ADAM12: variants seen among roughly 807,000 people sequenced by gnomAD.
ADAM12 encodes the protein ADAM metallopeptidase domain 12, also known as disintegrin and metalloproteinase domain-containing protein 12.
ADAM12 carries 70 observed loss-of-function variants against 106.4 expected under a neutral mutation model. That is an observed-to-expected ratio of 0.66 (90% CI 0.54 to 0.80). The LOEUF is 0.80. Ranked by LOEUF, ADAM12 falls within the 30% of genes least tolerant of loss-of-function variation. The pLI is 0.00. For missense variants in ADAM12, 1,010 were observed against 1,171.9 expected (o/e 0.86, Z 2.02); for synonymous variants, 420 against 433.5 (o/e 0.97, Z 0.39).
chr10:126,164,571 C>T (rs1385479435), intron 3 of ADAM12, among the ~76,000 whole-genome samples: 2 of 152,190 alleles, frequency 1.3e-5, no homozygotes, highest in African/African-American at 2.4e-5. Context: ...CAAAACATAG[C>T]ACCGAATAAA....
intron 11 of ADAM12, among the ~76,000 whole-genome samples, chr10:126,078,160 G>C (rs1015022006): frequency 2.0e-5 from 3 of 152,182 alleles, no homozygotes; most frequent in Non-Finnish European, 4.4e-5. Flanking sequence ...TGCATCACCT[G>C]CTCCCCAGGT....
intron 3 of ADAM12, among the ~76,000 whole-genome samples, chr10:126,241,917 C>T (rs1958532261): frequency 6.6e-6 from 1 of 151,448 alleles, no homozygotes; most frequent in African/African-American, 2.4e-5. Context: ...TTGGAATTCT[C>T]CATGGCAAAG....
chr10:126,062,583 G>A (rs1021970835), intron 14 of ADAM12, among the ~76,000 whole-genome samples: 4 of 152,204 alleles, frequency 2.6e-5, no homozygotes, highest in Non-Finnish European at 4.4e-5. Flanking sequence ...CTAGACTGAT[G>A]AGATAATAAA....
chr10:126,308,155 T>C (rs532793788), intron 2 of ADAM12, among the ~76,000 whole-genome samples: 2 of 152,352 alleles, frequency 1.3e-5, no homozygotes, highest in Admixed American at 6.5e-5. Flanking sequence ...GTGACCATCC[T>C]AGGCTTTTAA....
intron 2 of ADAM12, among the ~76,000 whole-genome samples, chr10:126,281,783 T>C (rs116694882): frequency 0.031 from 4,683 of 152,308 alleles, 255 homozygotes; most frequent in African/African-American, 0.11. Context: ...TATTGAATGC[T>C]TAAAGAACTG....
chr10:126,223,188 C>T (rs1263414461), intron 3 of ADAM12, among the ~76,000 whole-genome samples: 3 of 152,182 alleles, frequency 2.0e-5, no homozygotes, highest in Non-Finnish European at 4.4e-5. Flanking sequence ...TTATAATAAG[C>T]ACAATTCTAA....
intron 1 of ADAM12, among the ~76,000 whole-genome samples, chr10:126,365,147 G>A (rs1307113500): frequency 6.6e-6 from 1 of 152,118 alleles, no homozygotes; most frequent in African/African-American, 2.4e-5. Flanking sequence ...TAAAACAGTA[G>A]TAAGCCTACA....
At chr10:126,133,005 T>A (rs1215907671) in intron 5 of ADAM12, among the ~76,000 whole-genome samples, 1 of 152,102 alleles carries the variant, frequency 6.6e-6, no homozygotes, top group African/African-American at 2.4e-5. Context: ...TCCCTAACCC[T>A]TTCCACTGTG....
intron 22 of ADAM12, 94 bp from the exon 23 acceptor site, chr10:126,017,433 T>C: frequency 1.6e-6 from 2 of 1,242,176 alleles, no homozygotes; most frequent in Non-Finnish European, 2.3e-6. Flanking sequence ...ATTCTGATAG[T>C]CTGAAGGGTT....
intron 21 of ADAM12, among the ~76,000 whole-genome samples, chr10:126,031,451 C>A (rs920799175): frequency 6.6e-6 from 1 of 152,216 alleles, no homozygotes; most frequent in African/African-American, 2.4e-5. Context: ...AACCTCTGAA[C>A]TGGCCAGCAC....
chr10:126,194,514 A>AC (rs1957562943), intron 3 of ADAM12, among the ~76,000 whole-genome samples: 1 of 152,122 alleles, frequency 6.6e-6, no homozygotes, highest in Non-Finnish European at 1.5e-5. Flanking sequence ...ATTCTCAGAG[A>AC]CCCCTGGTGT....
At chr10:126,182,467 G>A (rs1294392934) in intron 3 of ADAM12, among the ~76,000 whole-genome samples, 1 of 152,168 alleles carries the variant, frequency 6.6e-6, no homozygotes, top group African/African-American at 2.4e-5. Context: ...CTTATTTAAT[G>A]AAAGTTTATT....
intron 3 of ADAM12, among the ~76,000 whole-genome samples, chr10:126,188,621 G>C (rs1474028259): frequency 6.6e-6 from 1 of 152,142 alleles, no homozygotes; most frequent in Non-Finnish European, 1.5e-5. Context: ...TCAGTCACAG[G>C]CATCTTCTGT....
At chr10:126,259,818 C>G (rs1958965243) in intron 3 of ADAM12, among the ~76,000 whole-genome samples, 1 of 152,206 alleles carries the variant, frequency 6.6e-6, no homozygotes, top group South Asian at 2.1e-4. Flanking sequence ...GGCCAAACAT[C>G]TAACACTGAA....
chr10:126,238,630 A>T (rs1455429441), intron 3 of ADAM12, among the ~76,000 whole-genome samples: 1 of 152,252 alleles, frequency 6.6e-6, no homozygotes, highest in Non-Finnish European at 1.5e-5. Context: ...TATTTTTAAA[A>T]GTTGTATGTC....
rs1280367759 is a variant in ADAM12, at chr10:126,158,806, C to T, written c.261-3501G>A. Among the ~76,000 whole-genome samples, 5 of 117,078 alleles carry T rather than the reference C, an allele frequency of 4.3e-5. 1 individual carries two copies. Among genetic ancestry groups the T allele is most frequent in the Admixed American group, 3.9e-4 (4 of 10,240 alleles). The allele number at this position is 117,078 out of a possible 152,430, so 76.8% of individuals were successfully genotyped here. ...GCATGGAGTGGGGATGCACACAGCA[C>T]GGTGGGGAGGATGCGCAGAGCACGG... On this transcript the variant is annotated intron_variant, in intron 3 of 22. Coordinates refer to ENST00000448723, the MANE Select transcript of ADAM12 (RefSeq NM_001288973.2).
chr10:126,208,176 T>C (rs1322101494), intron 3 of ADAM12, among the ~76,000 whole-genome samples: 1 of 152,176 alleles, frequency 6.6e-6, no homozygotes, highest in African/African-American at 2.4e-5. Context: ...AAAAGGTTCT[T>C]AATTTTAAAT....
intron 6 of ADAM12, among the ~76,000 whole-genome samples, chr10:126,116,518 T>TG (rs370445973): frequency 0.016 from 2,391 of 151,540 alleles, 34 homozygotes; most frequent in African/African-American, 0.034. Flanking sequence ...GGGTAGAGGT[T>TG]GGGGGGGTAA....
At chr10:126,377,949 C>T (rs566158012) in intron 1 of ADAM12, among the ~76,000 whole-genome samples, 7 of 152,088 alleles carry the variant, frequency 4.6e-5, no homozygotes, top group South Asian at 2.1e-4. Context: ...ACATTTATTT[C>T]GGAGCTCAGG....
Sources: gnomAD v4.1 joint callset for allele counts (sites outside exome capture counted in the v4.1 genomes callset) on GRCh38, gnomAD v4.1.1 for gene constraint, MANE v1.5 for transcripts, NCBI Gene and HGNC (gene_info 2026-07-23, HGNC 2026-07-21) for gene names.